LEF1: variants seen among roughly 807,000 people sequenced by gnomAD.
LEF1 encodes lymphoid enhancer binding factor 1.
A neutral mutation model predicts 51.2 loss-of-function variants in LEF1; 14 were observed. The ratio of observed to expected loss-of-function variants is 0.27; its 90% confidence interval spans 0.18 to 0.43. LEF1 has a LOEUF of 0.43. Ranked by LOEUF, LEF1 falls within the 20% of genes least tolerant of loss-of-function variation. LEF1 has a pLI of 1.00. For missense variants in LEF1, 386 were observed against 512.0 expected, an observed-to-expected ratio of 0.75 and a Z score of 2.37; for synonymous variants, 185 against 183.2, an observed-to-expected ratio of 1.01 and a Z score of -0.08.
chr4:108,165,168 C>T lies in LEF1; in HGVS notation c.214-5G>A, dbSNP rs746090087. The T allele has an allele frequency of 2.1e-5, 34 of 1,613,792 alleles. No homozygotes were observed. In the East Asian group the frequency reaches 7.4e-4, roughly 35 times the overall value. ...GGTTTGTGCTTGTCTGGCCACCTAA[C>T]ATCATGAATCCCCACACCCAAAAGA... On this transcript the variant is annotated splice_region_variant and splice_polypyrimidine_tract_variant and intron_variant, in intron 1 of 11. Transcript: ENST00000265165.
chr4:108,104,339 T>C lies in LEF1; in HGVS notation c.415-15082A>G, dbSNP rs188506332. On this transcript the variant is annotated intron_variant, in intron 3 of 11. Coordinates refer to ENST00000265165, the MANE Select transcript of LEF1 (RefSeq NM_016269.5). ...AGACAGTGGTGATAGTTGTACAACA[T>C]AGTGAATATACCAAAAACCACTGAT... Among the ~76,000 whole-genome samples, 305 of 151,426 alleles carry C rather than the reference T, an allele frequency of 2.0e-3. 1 individual carries two copies. The highest frequency in any genetic ancestry group is 3.0e-3 in the Admixed American group (45 of 15,186).
At chr4:108,106,516 G>T (rs1443330884) in intron 3 of LEF1, among the ~76,000 whole-genome samples, 2 of 152,178 alleles carry the variant, frequency 1.3e-5, no homozygotes, top group Non-Finnish European at 2.9e-5. Context: ...TTCATTTTCA[G>T]TGTCCAGTGG....
intron 3 of LEF1, among the ~76,000 whole-genome samples, chr4:108,106,753 A>G (rs1005158948): frequency 6.6e-6 from 1 of 152,194 alleles, no homozygotes; most frequent in Non-Finnish European, 1.5e-5. Flanking sequence ...AGAAATACAA[A>G]TTATTTTTCC....
At chr4:108,105,879 A>T (rs1481919823) in intron 3 of LEF1, among the ~76,000 whole-genome samples, 1 of 152,232 alleles carries the variant, frequency 6.6e-6, no homozygotes, top group Admixed American at 6.5e-5. Flanking sequence ...ATCAAGTGCA[A>T]AGCAGTTTAT....
chr4:108,087,054 T>C (rs1739699439), intron 4 of LEF1, among the ~76,000 whole-genome samples: 1 of 152,162 alleles, frequency 6.6e-6, no homozygotes, highest in South Asian at 2.1e-4. Flanking sequence ...ATTAGGATCT[T>C]TGAAACCAGC....
At chr4:108,147,203 C>T (rs1744049900) in intron 3 of LEF1, among the ~76,000 whole-genome samples, 1 of 151,938 alleles carries the variant, frequency 6.6e-6, no homozygotes. Context: ...CAATGACTTG[C>T]CTAACTCCAT....
At chr4:108,163,461 T>C (rs1745188254) in intron 3 of LEF1, 107 bp downstream of exon 3, 19 of 1,205,948 alleles carry the variant, frequency 1.6e-5, no homozygotes, top group Non-Finnish European at 2.3e-5. Flanking sequence ...CGACTAGTTA[T>C]ATATAATGAA....
At chr4:108,166,629 C>G in intron 1 of LEF1, 1 of 1,059,876 alleles carries the variant, frequency 9.4e-7, no homozygotes, top group Non-Finnish European at 1.1e-6. Flanking sequence ...CCAGCACCCA[C>G]GTGTCTCTAT....
In LEF1 at chr4:108,167,217, G is replaced by T. The variant is rs922414634; in HGVS notation, c.213+338C>A. On this transcript the variant is annotated intron_variant, in intron 1 of 11. Transcript: ENST00000265165. The surrounding 1 kb of genome is among the most constrained non-coding windows in gnomAD (Gnocchi z 5.7). Reference sequence around the variant, plus strand: ...TTCAGCCCTACTCGCTTTAAAGCACGGCACCCCTCAGCCCAACAAAAAGAC... The same window carrying T: ...TTCAGCCCTACTCGCTTTAAAGCACTGCACCCCTCAGCCCAACAAAAAGAC... Among the ~76,000 whole-genome samples the T allele has an allele frequency of 3.9e-5, 6 of 152,082 alleles. No homozygotes were observed. The highest frequency in any genetic ancestry group is 1.2e-4 in the African/African-American group (5 of 41,418).
intron 8 of LEF1, among the ~76,000 whole-genome samples, chr4:108,074,284 C>T (rs878939635): frequency 6.6e-6 from 1 of 152,128 alleles, no homozygotes; most frequent in Admixed American, 6.5e-5. Flanking sequence ...ATCTCATTGT[C>T]AAGATTTCAC....
intron 3 of LEF1, among the ~76,000 whole-genome samples, chr4:108,148,656 C>A (rs964919308): frequency 1.3e-5 from 2 of 152,168 alleles, no homozygotes; most frequent in African/African-American, 2.4e-5. Flanking sequence ...AGCACACTGA[C>A]TGTCAAAATA....
intron 7 of LEF1, among the ~76,000 whole-genome samples, chr4:108,078,684 A>G (rs908530848): frequency 2.6e-5 from 4 of 152,168 alleles, no homozygotes; most frequent in African/African-American, 9.7e-5. Flanking sequence ...TGGACTTGGC[A>G]TTGTGAAGAT....
intron 3 of LEF1, among the ~76,000 whole-genome samples, chr4:108,099,570 GTATATATATATATATATA>G (rs551521155): frequency 0.014 from 1,011 of 70,198 alleles, 52 homozygotes; most frequent in South Asian, 0.022. Flanking sequence ...GTGTGTGTGT[GTATATATATATATATATA>G]TATATATATA....
At chr4:108,166,496 C>T (rs1745403141) in intron 1 of LEF1, 3 of 1,368,398 alleles carry the variant, frequency 2.2e-6, no homozygotes, top group Non-Finnish European at 2.8e-6. Flanking sequence ...AGAGGGTTTC[C>T]CAGTTGTGGA....
Position 108,048,643 on chromosome 4 carries a change from TG to T in LEF1, c.*114del. The T allele has an allele frequency of 6.7e-7, 1 of 1,490,420 alleles. No homozygotes were observed. The allele number at this position is 1,490,420 out of a possible 1,614,324, so 92.3% of individuals were successfully genotyped here. A position where few individuals can be genotyped will look rare whatever the true frequency, so the allele number is the denominator to read the frequency against. On this transcript the variant is annotated 3_prime_UTR_variant, in exon 12 of 12. Transcript: ENST00000265165. The stretch of plus-strand genomic sequence containing the variant: ...ATGTCAGTGTTCCTTTGGGGTCGAC[TG>T]GGCAGGCCGTGGAGACAGTCTGGGT...
At chr4:108,133,727 G>A (rs1005923424) in intron 3 of LEF1, among the ~76,000 whole-genome samples, 1 of 152,168 alleles carries the variant, frequency 6.6e-6, no homozygotes, top group Admixed American at 6.5e-5. Context: ...TAGAGGTCCA[G>A]TTTCCTACTC....
In LEF1 at chr4:108,165,258, G is replaced by A. The variant is rs536649690; in HGVS notation, c.214-95C>T. The A allele has an allele frequency of 9.9e-6, 12 of 1,211,558 alleles. No homozygotes were observed. In the Admixed American group the frequency reaches 1.9e-4, roughly 19 times the overall value. 75.1% of individuals were successfully genotyped at this position (1,211,558 alleles called of 1,614,324 possible). ...ATGTGTGTGCGCTGGTAATTCAAAG[G>A]AAGAGGTTTAGGGGCAACTCTGTTT... On this transcript the variant is annotated intron_variant, in intron 1 of 11. Transcript: ENST00000265165.
chr4:108,081,815 A>G, intron 5 of LEF1, 146 bp from the exon 6 acceptor site: 1 of 632,098 alleles, frequency 1.6e-6, no homozygotes. Flanking sequence ...CAGAAACGTA[A>G]CCGTTCCCCT....
At chr4:108,054,589 T>C (rs1319323246) in intron 11 of LEF1, among the ~76,000 whole-genome samples, 1 of 152,204 alleles carries the variant, frequency 6.6e-6, no homozygotes, top group Non-Finnish European at 1.5e-5. Flanking sequence ...GTTGGGACCA[T>C]TTCTGCTGTT....
Sources: allele counts gnomAD v4.1 joint callset (sites outside exome capture counted in the v4.1 genomes callset), GRCh38; gene constraint gnomAD v4.1.1; non-coding constraint Gnocchi (gnomAD v3.1); transcripts MANE v1.5; gene names NCBI Gene and HGNC (gene_info 2026-07-23, HGNC 2026-07-21).